Variants in ZBTB20 observed in about 807,000 individuals in gnomAD.
ZBTB20 encodes zinc finger and BTB domain-containing protein 20.
Under a neutral mutation model 56.9 loss-of-function variants are expected in ZBTB20, and 9 were observed. The observed-to-expected ratio is 0.16, with a 90% CI of 0.10 to 0.28. The LOEUF is 0.28. ZBTB20 is among the 10% of genes least tolerant of loss of function. ZBTB20 has a pLI of 1.00. For synonymous variants in ZBTB20, 417 were observed against 420.7 expected, an observed-to-expected ratio of 0.99 and a Z score of 0.11; for missense variants, 655 against 1,003.0, an observed-to-expected ratio of 0.65 and a Z score of 4.69.
chr3:114,525,958 G>A (rs1353653795), intron 6 of ZBTB20, among the ~76,000 whole-genome samples: 1 of 152,190 alleles, frequency 6.6e-6, no homozygotes, highest in Non-Finnish European at 1.5e-5. Context: ...CATTGTCATT[G>A]CCATTATTGT....
At chr3:114,736,668 G>A (rs900068045) in intron 5 of ZBTB20, among the ~76,000 whole-genome samples, 3 of 152,122 alleles carry the variant, frequency 2.0e-5, no homozygotes, top group African/African-American at 7.2e-5. Flanking sequence ...ATAAAGGGAT[G>A]TTATTAAAAA....
Position 114,567,372 on chromosome 3 carries a change from GT to G in ZBTB20, c.-294-66982del, listed in dbSNP as rs1198973741. On this transcript the variant is annotated intron_variant, in intron 6 of 11. Coordinates refer to ENST00000675478, the MANE Select transcript of ZBTB20 (RefSeq NM_001348800.3). ...TGAAATGACACCATGCATAAATGCC[GT>G]TTCCTACTATAGCATGTTAAAATCC... is the stretch of plus-strand genomic sequence containing the variant. 7.2e-5 allele frequency among the ~76,000 whole-genome samples: 11 copies of G among 152,204 alleles called. No homozygotes were observed. The South Asian group carries it at 2.3e-3, about 32-fold the overall frequency.
intron 4 of ZBTB20, among the ~76,000 whole-genome samples, chr3:114,887,829 T>A (rs765204531): frequency 2.6e-5 from 4 of 152,108 alleles, no homozygotes; most frequent in Non-Finnish European, 5.9e-5. Context: ...GAGGAAGACA[T>A]ACAGAAGTTT....
intron 7 of ZBTB20, among the ~76,000 whole-genome samples, chr3:114,491,064 C>T (rs2042700292): frequency 6.6e-6 from 1 of 152,206 alleles, no homozygotes; most frequent in South Asian, 2.1e-4. Context: ...TCTGTATTTT[C>T]TGTACCAAAC....
At chr3:114,812,095 GAGCAGT>G (rs879886863) in intron 4 of ZBTB20, among the ~76,000 whole-genome samples, 6 of 152,186 alleles carry the variant, frequency 3.9e-5, no homozygotes, top group Non-Finnish European at 8.8e-5. Context: ...CCCAAAGAGT[GAGCAGT>G]AGCAAGATTT....
At chr3:114,480,617 T>C (rs1361235985) in intron 7 of ZBTB20, among the ~76,000 whole-genome samples, 1 of 152,182 alleles carries the variant, frequency 6.6e-6, no homozygotes, top group African/African-American at 2.4e-5. Flanking sequence ...CTGAAGAACA[T>C]CCATATAGTC....
At chr3:114,591,995 T>C (rs1225122789) in intron 6 of ZBTB20, among the ~76,000 whole-genome samples, 1 of 152,160 alleles carries the variant, frequency 6.6e-6, no homozygotes, top group African/African-American at 2.4e-5. Flanking sequence ...TGAAAATTAA[T>C]TTCATTTTGA....
chr3:114,708,876 C>A (rs868718124), intron 5 of ZBTB20, among the ~76,000 whole-genome samples: 1 of 152,030 alleles, frequency 6.6e-6, no homozygotes, highest in Non-Finnish European at 1.5e-5. Flanking sequence ...TTTATTTGAA[C>A]TTTTCCATAA....
At chr3:114,810,053 CCA>C (rs1198619203) in intron 4 of ZBTB20, among the ~76,000 whole-genome samples, 2 of 152,056 alleles carry the variant, frequency 1.3e-5, no homozygotes, top group African/African-American at 4.8e-5. Flanking sequence ...ACACCTAGGG[CCA>C]CTATGCTAAC....
chr3:114,628,115 C>CT (rs534568147), intron 6 of ZBTB20, among the ~76,000 whole-genome samples: 125 of 152,122 alleles, frequency 8.2e-4, no homozygotes, highest in African/African-American at 2.8e-3. Flanking sequence ...AGCTCATTTC[C>CT]TTTTTTTTCT....
intron 7 of ZBTB20, among the ~76,000 whole-genome samples, chr3:114,409,854 C>A (rs2087757537): frequency 6.6e-6 from 1 of 152,002 alleles, no homozygotes; most frequent in African/African-American, 2.4e-5. Flanking sequence ...TGTTTAGAGA[C>A]TTTGTTTAGT....
At chr3:114,569,337 A>G (rs778742638) in intron 6 of ZBTB20, among the ~76,000 whole-genome samples, 3 of 152,214 alleles carry the variant, frequency 2.0e-5, no homozygotes, top group Non-Finnish European at 2.9e-5. Flanking sequence ...TGGGGTCACA[A>G]AGGCAGCATG....
rs889493108 is a variant in ZBTB20 at position 114,325,876 on chromosome 3, A to T, written c.*13129T>A. 7 of 152,102 alleles carry T rather than the reference A, an allele frequency of 4.6e-5. No individual in the cohort carries two copies. The allele number at this position is 152,102 out of a possible 1,614,324, so 9.4% of individuals were successfully genotyped here. ...ATGAAGTACTACAATTTCCTTTTTT[A>T]AAAAAATAGTTTCTAATTTGTTTTT... is the stretch of plus-strand genomic sequence containing the variant. On this transcript the variant is annotated 3_prime_UTR_variant, in exon 12 of 12. Transcript: ENST00000675478.
At chr3:114,955,777 A>C (rs1377374932) in intron 3 of ZBTB20, among the ~76,000 whole-genome samples, 3 of 152,098 alleles carry the variant, frequency 2.0e-5, no homozygotes, top group East Asian at 1.9e-4. Flanking sequence ...TTAAACCAAC[A>C]AACAAACAAA....
intron 2 of ZBTB20, among the ~76,000 whole-genome samples, chr3:115,069,376 G>A (rs1377762743): frequency 6.6e-6 from 1 of 152,060 alleles, no homozygotes; most frequent in African/African-American, 2.4e-5. Flanking sequence ...TCAGAAACAC[G>A]TTGGCTAGAT....
At chr3:114,732,433 T>G (rs2065828031) in intron 5 of ZBTB20, among the ~76,000 whole-genome samples, 1 of 152,162 alleles carries the variant, frequency 6.6e-6, no homozygotes. Context: ...TGAGAAGATT[T>G]ATACAAAGTG....
chr3:114,698,094 C>A (rs1178644845), intron 5 of ZBTB20, among the ~76,000 whole-genome samples: 2 of 152,026 alleles, frequency 1.3e-5, no homozygotes, highest in African/African-American at 4.8e-5. Context: ...TCTGTGATCA[C>A]CATGGATTTG....
intron 5 of ZBTB20, among the ~76,000 whole-genome samples, chr3:114,714,204 GC>G (rs1187764277): frequency 2.0e-5 from 3 of 152,198 alleles, no homozygotes; most frequent in Non-Finnish European, 1.5e-5. Flanking sequence ...ATAGTCTTCA[GC>G]TTTTTCTTCC....
intron 1 of ZBTB20, 64 bp from the exon 2 acceptor site, chr3:115,071,478 A>C (rs1293507275): frequency 1.3e-5 from 2 of 152,192 alleles, no homozygotes; most frequent in East Asian, 3.9e-4. Flanking sequence ...ACTATACCAA[A>C]TTAGTATTCC....
Sources: gnomAD v4.1 joint callset for allele counts (sites outside exome capture counted in the v4.1 genomes callset) on GRCh38, gnomAD v4.1.1 for gene constraint, MANE v1.5 for transcripts, NCBI Gene and HGNC (gene_info 2026-07-23, HGNC 2026-07-21) for gene names.